Variants in FUT9 observed in about 807,000 individuals in gnomAD.
FUT9 encodes 4-galactosyl-N-acetylglucosaminide 3-alpha-L-fucosyltransferase 9.
Under a neutral mutation model 29.7 loss-of-function variants are expected in FUT9, and 15 were observed. That is an observed-to-expected ratio of 0.51 (90% confidence interval 0.34 to 0.78). The LOEUF (loss-of-function observed/expected upper bound fraction) is 0.78. Ranked by LOEUF, FUT9 falls within the 30% of genes least tolerant of loss-of-function variation. FUT9 has a pLI of 0.01. For synonymous variants in FUT9, 169 were observed against 153.7 expected, an observed-to-expected ratio of 1.10 and a Z score of -0.74; for missense variants, 319 against 425.4, an observed-to-expected ratio of 0.75 and a Z score of 2.20.
rs753317779 is a variant in FUT9 at position 96,203,260 on chromosome 6, C to G, written c.105C>G (p.Ser35Arg). The change falls in exon 3 of 3, where the codon AGC becomes AGG. Residue 35 changes from serine (S) to arginine (R), a missense_variant. Coordinates refer to ENST00000302103, the MANE Select transcript of FUT9 (RefSeq NM_006581.4). ...TCATTTACATCAAACCTACCAACAGCTGGATCTTCAGTCCAATGGAATCAG... is the reference window on the plus strand; with the variant it reads ...TCATTTACATCAAACCTACCAACAGGTGGATCTTCAGTCCAATGGAATCAG... The part of the protein sequence containing the change: ...CLLIYIKPTN[S>R]WIFSPMESAS... The G allele has an allele frequency of 1.3e-5, 21 of 1,613,834 alleles. No homozygotes were observed. In the Admixed American group the frequency reaches 3.5e-4, roughly 27 times the overall value.
At chr6:96,177,035 A>T (rs1040540197) in intron 2 of FUT9, among the ~76,000 whole-genome samples, 2 of 152,158 alleles carry the variant, frequency 1.3e-5, no homozygotes, top group African/African-American at 4.8e-5. Flanking sequence ...GTGTCTGACT[A>T]TACTGTTGGC....
chr6:96,109,406 G>A (rs967688584), intron 1 of FUT9, among the ~76,000 whole-genome samples: 1 of 152,082 alleles, frequency 6.6e-6, no homozygotes, highest in African/African-American at 2.4e-5. Flanking sequence ...TATAAAACTA[G>A]TGTGTCTCCA....
intron 2 of FUT9, among the ~76,000 whole-genome samples, chr6:96,191,562 C>T (rs1329451862): frequency 6.6e-6 from 1 of 152,116 alleles, no homozygotes; most frequent in East Asian, 1.9e-4. Context: ...AGACCAATAG[C>T]AGGCTCTGAA....
chr6:96,194,617 C>T (rs1310896108), intron 2 of FUT9, among the ~76,000 whole-genome samples: 2 of 151,854 alleles, frequency 1.3e-5, no homozygotes, highest in Non-Finnish European at 2.9e-5. Flanking sequence ...GGGTTAGTTG[C>T]CCTACCTTAT....
intron 2 of FUT9, among the ~76,000 whole-genome samples, chr6:96,153,102 C>A (rs1772708525): frequency 6.6e-6 from 1 of 152,056 alleles, no homozygotes; most frequent in Admixed American, 6.5e-5. Context: ...CCTTCCATTT[C>A]TCCTGCTTAA....
intron 2 of FUT9, among the ~76,000 whole-genome samples, chr6:96,171,857 C>T (rs528199875): frequency 1.3e-5 from 2 of 152,196 alleles, no homozygotes; most frequent in East Asian, 1.9e-4. Flanking sequence ...CCATCCTACC[C>T]GCATCTTGAA....
chr6:96,112,695 G>A (rs951340965), intron 1 of FUT9, among the ~76,000 whole-genome samples: 1 of 152,154 alleles, frequency 6.6e-6, no homozygotes, highest in African/African-American at 2.4e-5. Flanking sequence ...TATGTAATGA[G>A]AACAAGATGC....
rs1454333882 is a variant in FUT9 at position 96,204,066 on chromosome 6, A to G, written c.911A>G (p.Glu304Gly). 1.3e-5 allele frequency: 20 copies of G among 1,553,802 alleles called. No individual in the cohort carries two copies. Among genetic ancestry groups the G allele is most frequent in the Non-Finnish European group, 1.5e-5 (17 of 1,152,594 alleles). The change falls in exon 3 of 3, where the codon GAA (glutamate) becomes GGA (glycine). Residue 304 changes from glutamate (E) to glycine (G), a missense_variant. Glu to Gly is a moderately conservative substitution (Grantham distance 98). Transcript: ENST00000302103. Reference sequence around the variant, plus strand: ...AGTGAGCTAGCAAAGTATCTGAAGGAAGTCGACAAAAACAATAAGTTATAC... The same window carrying G: ...AGTGAGCTAGCAAAGTATCTGAAGGGAGTCGACAAAAACAATAAGTTATAC... ...SPSELAKYLKEVDKNNKLYLS... is the reference protein window; with the variant it reads ...SPSELAKYLKGVDKNNKLYLS...
At chr6:96,079,622 T>C (rs756392519) in intron 1 of FUT9, among the ~76,000 whole-genome samples, 30 of 152,324 alleles carry the variant, frequency 2.0e-4, no homozygotes, top group Non-Finnish European at 3.7e-4. Flanking sequence ...CAGTTTGTCT[T>C]CTAATGTATG....
chr6:96,190,313 G>A (rs1358099713), intron 2 of FUT9, among the ~76,000 whole-genome samples: 2 of 152,206 alleles, frequency 1.3e-5, no homozygotes, highest in African/African-American at 2.4e-5. Context: ...TGGGTAACCC[G>A]ACCTTTCTCT....
At chr6:96,054,869 C>T (rs1240044305) in intron 1 of FUT9, among the ~76,000 whole-genome samples, 2 of 152,086 alleles carry the variant, frequency 1.3e-5, no homozygotes, top group African/African-American at 2.4e-5. Flanking sequence ...ATAAGAGTGC[C>T]TGACACATAT....
At chr6:96,159,969 A>G (rs1274051506) in intron 2 of FUT9, among the ~76,000 whole-genome samples, 3 of 152,142 alleles carry the variant, frequency 2.0e-5, no homozygotes, top group Non-Finnish European at 2.9e-5. Context: ...ATAATTTTTC[A>G]TTAGCTTAAA....
intron 1 of FUT9, among the ~76,000 whole-genome samples, chr6:96,049,300 A>G (rs1429497697): frequency 6.6e-6 from 1 of 152,162 alleles, no homozygotes. Context: ...AGAATTATGC[A>G]AGCTAGCAAC....
intron 1 of FUT9, among the ~76,000 whole-genome samples, chr6:96,084,564 T>A (rs1771286535): frequency 6.6e-6 from 1 of 152,110 alleles, no homozygotes; most frequent in Non-Finnish European, 1.5e-5. Context: ...CACACGTTTG[T>A]GACTGACTGT....
chr6:96,110,855 G>A (rs1771793502), intron 1 of FUT9, among the ~76,000 whole-genome samples: 1 of 33,852 alleles, frequency 3.0e-5, no homozygotes, highest in South Asian at 1.2e-3. Flanking sequence ...TAGAAACAGG[G>A]TCTAATTATG....
At chr6:96,071,866 C>A (rs879936186) in intron 1 of FUT9, among the ~76,000 whole-genome samples, 2 of 152,056 alleles carry the variant, frequency 1.3e-5, no homozygotes, top group African/African-American at 2.4e-5. Context: ...AACTCCTGGG[C>A]TCAAGCAATG....
chr6:96,145,018 C>T (rs1206164560), intron 2 of FUT9, among the ~76,000 whole-genome samples: 3 of 152,064 alleles, frequency 2.0e-5, no homozygotes, highest in Admixed American at 6.6e-5. Flanking sequence ...TTAGTAGACA[C>T]ATCCTTTTTG....
intron 2 of FUT9, among the ~76,000 whole-genome samples, chr6:96,196,010 G>A (rs944961590): frequency 6.6e-6 from 1 of 152,080 alleles, no homozygotes; most frequent in Non-Finnish European, 1.5e-5. Context: ...GTGTTGTTGT[G>A]GGGTGTTTTG....
intron 2 of FUT9, among the ~76,000 whole-genome samples, chr6:96,198,579 C>T (rs558001492): frequency 7.9e-5 from 12 of 152,076 alleles, no homozygotes; most frequent in Admixed American, 1.3e-4. Flanking sequence ...AATAAACATA[C>T]GTGTGCATGT....
Sources: allele counts gnomAD v4.1 joint callset (sites outside exome capture counted in the v4.1 genomes callset), GRCh38; gene constraint gnomAD v4.1.1; transcripts MANE v1.5; gene names NCBI Gene and HGNC (gene_info 2026-07-23, HGNC 2026-07-21).